SCN11A: variants seen among roughly 807,000 people sequenced by gnomAD.
SCN11A encodes the protein sodium channel protein type 11 subunit alpha.
SCN11A carries 122 observed loss-of-function variants against 162.2 expected under a neutral mutation model. The observed-to-expected ratio is 0.75, with a 90% CI of 0.65 to 0.87. The LOEUF (loss-of-function observed/expected upper bound fraction) is 0.87. SCN11A is among the 40% of genes least tolerant of loss of function. SCN11A has a pLI of 0.00. For synonymous variants in SCN11A, 758 were observed against 751.5 expected, an observed-to-expected ratio of 1.01 and a Z score of -0.14; for missense variants, 2,015 against 2,181.6, an observed-to-expected ratio of 0.92 and a Z score of 1.52.
intron 2 of SCN11A, among the ~76,000 whole-genome samples, chr3:38,974,469 G>A (rs886367327): frequency 3.9e-5 from 6 of 152,056 alleles, no homozygotes; most frequent in African/African-American, 1.4e-4. Context: ...GCCGAGGCGG[G>A]CAGATCACGA....
Position 38,880,081 on chromosome 3 carries a change from C to T in SCN11A, c.3262G>A (p.Glu1088Lys). 2 of 1,611,720 alleles carry T rather than the reference C, an allele frequency of 1.2e-6. No homozygotes were observed. The highest frequency in any genetic ancestry group is 1.7e-6 in the Non-Finnish European group (2 of 1,178,438). ...VHLENQPKIQ[E>K]LLNCTDIIFT... is the part of the protein sequence containing the mutation. Reference sequence around the variant, plus strand: ...ATAATGTCAGTACAATTTAGTAATTCTTGGATTTTGGGTTGGTTCTCAAGG... The same window carrying T: ...ATAATGTCAGTACAATTTAGTAATTTTTGGATTTTGGGTTGGTTCTCAAGG... Residue 1088 changes from glutamate to lysine, a missense_variant, in exon 23 of 30, where the codon GAA (glutamate) becomes AAA (lysine). Physicochemically the swap from Glu to Lys is moderately conservative, Grantham distance 56 (BLOSUM62 1). Coordinates refer to ENST00000302328, the MANE Select transcript of SCN11A (RefSeq NM_001349253.2).
chr3:38,938,519 T>C (rs1559544844), intron 7 of SCN11A, among the ~76,000 whole-genome samples: 1,222 of 15,128 alleles, frequency 0.081, 16 homozygotes, highest in Non-Finnish European at 0.1. Context: ...CATATATATA[T>C]ATATATATAT....
chr3:39,051,120 G>C (rs113075948), intron 1 of SCN11A, among the ~76,000 whole-genome samples: 34 of 146,082 alleles, frequency 2.3e-4, no homozygotes, highest in African/African-American at 6.3e-4. Context: ...TTTTTGTCTT[G>C]TTTTTTTTTT....
chr3:38,937,558 C>A (rs1311217092), intron 7 of SCN11A, among the ~76,000 whole-genome samples: 1 of 151,264 alleles, frequency 6.6e-6, no homozygotes, highest in Non-Finnish European at 1.5e-5. Context: ...AAAAAGTGGG[C>A]GAAGGACATG....
At chr3:38,921,331 C>A in intron 9 of SCN11A, 76 bp from the exon 10 acceptor site, 3 of 1,409,614 alleles carry the variant, frequency 2.1e-6, no homozygotes, top group Non-Finnish European at 2.0e-6. Flanking sequence ...TAAGGAGCAA[C>A]TGAAGTCTCG....
At chr3:38,951,992 T>C (rs2066627222) in intron 4 of SCN11A, among the ~76,000 whole-genome samples, 1 of 152,152 alleles carries the variant, frequency 6.6e-6, no homozygotes, top group Admixed American at 6.5e-5. Flanking sequence ...GTTCTTTTGC[T>C]CTTTGCAATA....
intron 23 of SCN11A, among the ~76,000 whole-genome samples, chr3:38,875,638 G>A (rs2065195012): frequency 6.6e-6 from 1 of 151,960 alleles, no homozygotes. Context: ...AAATACTTAG[G>A]AATATACCTA....
intron 20 of SCN11A, among the ~76,000 whole-genome samples, chr3:38,885,817 G>A (rs1011130269): frequency 4.3e-4 from 65 of 152,206 alleles, no homozygotes; most frequent in African/African-American, 1.5e-3. Flanking sequence ...CCCTCCAGGA[G>A]ACATTTTGGC....
At chr3:38,887,460 T>C (rs2065421082) in intron 19 of SCN11A, among the ~76,000 whole-genome samples, 1 of 137,594 alleles carries the variant, frequency 7.3e-6, no homozygotes, top group African/African-American at 2.6e-5. Flanking sequence ...GGGGGAGGGA[T>C]AGCATTAGGA....
intron 10 of SCN11A, among the ~76,000 whole-genome samples, chr3:38,920,229 C>G (rs1318078526): frequency 1.3e-5 from 2 of 150,756 alleles, no homozygotes; most frequent in Non-Finnish European, 2.9e-5. Flanking sequence ...AGTGACATCA[C>G]CACCACCACT....
chr3:38,849,151 A>G (rs1248844135), intron 29 of SCN11A: 1 of 151,864 alleles, frequency 6.6e-6, no homozygotes, highest in Non-Finnish European at 1.5e-5. Context: ...CTGGCACTGC[A>G]TGGAAGGAGC....
intron 2 of SCN11A, among the ~76,000 whole-genome samples, chr3:38,973,832 A>G (rs534672943): frequency 1.3e-5 from 2 of 152,306 alleles, no homozygotes; most frequent in East Asian, 3.9e-4. Context: ...ATTTTAAAGG[A>G]GTTTATTGTG....
intron 14 of SCN11A, among the ~76,000 whole-genome samples, chr3:38,907,345 TATATCTATATATACACACAC>T (rs1305917773): frequency 4.8e-4 from 8 of 16,570 alleles, no homozygotes; most frequent in African/African-American, 6.7e-4. Context: ...TGTGTGTGTA[TATATCTATATATACACACAC>T]ACACACACAC....
At chr3:38,915,699 C>T (rs1414860503) in intron 11 of SCN11A, among the ~76,000 whole-genome samples, 2 of 151,882 alleles carry the variant, frequency 1.3e-5, no homozygotes, top group East Asian at 3.9e-4. Context: ...TTTGCATTTG[C>T]TGAAGCTTGT....
intron 29 of SCN11A, chr3:38,849,257 C>CTTTTTTTTTTTTTTTTTTTT (rs55781629): frequency 1.4e-5 from 1 of 69,866 alleles, no homozygotes; most frequent in African/African-American, 6.5e-5. Flanking sequence ...TTTTCTAGCC[C>CTTTTTTTTTTTTTTTTTTTT]TTTTTTTTTT....
At chr3:38,907,001 C>T (rs543849785) in intron 14 of SCN11A, among the ~76,000 whole-genome samples, 1 of 152,086 alleles carries the variant, frequency 6.6e-6, no homozygotes, top group Admixed American at 6.5e-5. Flanking sequence ...CGCTTCTAGG[C>T]TTTTGCACAT....
At chr3:38,895,493 T>C (rs1024971350) in intron 18 of SCN11A, among the ~76,000 whole-genome samples, 20 of 152,338 alleles carry the variant, frequency 1.3e-4, no homozygotes, top group Admixed American at 1.1e-3. Context: ...TGCAACTCTT[T>C]CGTTGAACCA....
chr3:38,933,489 G>A (rs1309256285), intron 7 of SCN11A, among the ~76,000 whole-genome samples: 9 of 151,930 alleles, frequency 5.9e-5, no homozygotes, highest in African/African-American at 2.2e-4. Context: ...AAATTTAGAC[G>A]AAAGTATAAC....
Position 38,903,981 on chromosome 3 carries a change from C to G in SCN11A, c.1726G>C (p.Asp576His). Reference sequence around the variant, plus strand: ...GTGATGGCCAGCTCAGTAAACGGGTCAGTCATCACAGTTCTCAGGACCTTC... The same window carrying G: ...GTGATGGCCAGCTCAGTAAACGGGTGAGTCATCACAGTTCTCAGGACCTTC... ...VKKVLRTVMTDPFTELAITIC... is the reference protein window; with the variant it reads ...VKKVLRTVMTHPFTELAITIC... Residue 576 changes from aspartate (D) to histidine (H), a missense_variant, in exon 16 of 30, where the codon GAC (aspartate) becomes CAC (histidine). Coordinates refer to ENST00000302328, the MANE Select transcript of SCN11A (RefSeq NM_001349253.2). 1.2e-6 allele frequency: 2 copies of G among 1,614,048 alleles called. No individual in the cohort carries two copies. The highest frequency in any genetic ancestry group is 1.7e-6 in the Non-Finnish European group (2 of 1,179,944).
Sources: gnomAD v4.1 joint callset for allele counts (sites outside exome capture counted in the v4.1 genomes callset) on GRCh38, gnomAD v4.1.1 for gene constraint, MANE v1.5 for transcripts, NCBI Gene and HGNC (gene_info 2026-07-23, HGNC 2026-07-21) for gene names.